ZKSCAN8: variants seen among roughly 807,000 people sequenced by gnomAD.
ZKSCAN8 encodes the protein zinc finger protein with KRAB and SCAN domains 8.
Under a neutral mutation model 57.2 loss-of-function variants are expected in ZKSCAN8, and 27 were observed. That is an observed-to-expected ratio of 0.47 (90% CI 0.35 to 0.65). ZKSCAN8 has a LOEUF of 0.65. Among genes scored for constraint, ZKSCAN8 ranks in the 30% least tolerant of loss-of-function variants. The pLI, the probability that ZKSCAN8 is intolerant of heterozygous loss-of-function variation, is 0.01. For synonymous variants in ZKSCAN8, 214 were observed against 248.7 expected (o/e 0.86, Z 1.31); for missense variants, 597 against 696.3 (o/e 0.86, Z 1.60).
chr6:28,145,576 A>G (rs1765367440), intron 1 of ZKSCAN8, among the ~76,000 whole-genome samples: 1 of 152,212 alleles, frequency 6.6e-6, no homozygotes. Flanking sequence ...TTAATAGAAT[A>G]GACACTTACT....
chr6:28,148,932 G>C, intron 2 of ZKSCAN8, 108 bp downstream of exon 2: 1 of 1,272,366 alleles, frequency 7.9e-7, no homozygotes, highest in Non-Finnish European at 1.1e-6. Flanking sequence ...AGTTTCTGTT[G>C]GATAAGGATG....
chr6:28,153,774 C>G lies in ZKSCAN8; in HGVS notation c.1494C>G (p.Ala498=), dbSNP rs1269262145. The change falls in exon 6 of 6, where the codon GCC becomes GCG. Residue 498 remains alanine, a synonymous_variant. Transcript: ENST00000330236. Reference sequence around the variant, plus strand: ...ACAAATGCAATGAGTGTGGGAGGGCCTTCAGTCAGAAGTCAGGCCTTATTG... The same window carrying G: ...ACAAATGCAATGAGTGTGGGAGGGCGTTCAGTCAGAAGTCAGGCCTTATTG... ...KPYKCNECGR[A]FSQKSGLIEH... The G allele has an allele frequency of 1.9e-6, 3 of 1,613,790 alleles. No individual in the cohort carries two copies. Among genetic ancestry groups the G allele is most frequent in the Admixed American group, 1.7e-5 (1 of 60,002 alleles).
intron 3 of ZKSCAN8, among the ~76,000 whole-genome samples, chr6:28,150,207 T>C (rs992011255): frequency 6.6e-6 from 1 of 152,238 alleles, no homozygotes; most frequent in Non-Finnish European, 1.5e-5. Flanking sequence ...CATGGCTGTT[T>C]AGTCTCCTTT....
rs1765880849 is a variant in ZKSCAN8, at chr6:28,159,224, G to C, written c.*5207G>C. 6.6e-6 allele frequency: 1 copy of C among 152,086 alleles called. No individual in the cohort carries two copies. The highest frequency in any genetic ancestry group is 6.5e-5 in the Admixed American group (1 of 15,268). The allele number at this position is 152,086 out of a possible 1,614,324, so 9.4% of individuals were successfully genotyped here. On this transcript the variant is annotated 3_prime_UTR_variant, in exon 6 of 6. Transcript: ENST00000330236. ...GCGATGACCTCCCTCATTCTGTGCT[G>C]CCTCAGCACTTATCTTTTGAGTTTG... is the stretch of plus-strand genomic sequence containing the variant.
intron 1 of ZKSCAN8, among the ~76,000 whole-genome samples, chr6:28,145,952 A>G (rs9468296): frequency 0.23 from 34,903 of 152,164 alleles, 4,146 homozygotes; most frequent in African/African-American, 0.28. Context: ...TATCTTTTTG[A>G]GGGACACATT....
intron 1 of ZKSCAN8, among the ~76,000 whole-genome samples, chr6:28,147,564 A>T (rs1765437799): frequency 6.6e-6 from 1 of 152,252 alleles, no homozygotes; most frequent in Non-Finnish European, 1.5e-5. Context: ...TGATTAAAAA[A>T]CAAAAACAAC....
Position 28,151,994 on chromosome 6 carries a change from A to T in ZKSCAN8, c.651+58A>T, listed in dbSNP as rs1765606979. On this transcript the variant is annotated intron_variant, in intron 4 of 5. Coordinates refer to ENST00000330236, the MANE Select transcript of ZKSCAN8 (RefSeq NM_006298.4). The stretch of plus-strand genomic sequence containing the variant: ...AGCTGTGCTTGTCAGTGTTTGTGGC[A>T]TCTGCCCTATATCTTGACTGTCTAG... 7 of 1,575,988 alleles carry T rather than the reference A, an allele frequency of 4.4e-6. No individual in the cohort carries two copies. The Admixed American group carries it at 1.2e-4, about 26-fold the overall frequency.
At position 28,153,251 on chromosome 6, in the gene ZKSCAN8, G is replaced by T; in HGVS notation, c.971G>T (p.Cys324Phe). The change falls in exon 6 of 6, where the codon TGT (cysteine) becomes TTT (phenylalanine). Residue 324 changes from cysteine (C) to phenylalanine (F), a missense_variant. Cys to Phe is a radical substitution (Grantham distance 205). Coordinates refer to ENST00000330236, the MANE Select transcript of ZKSCAN8 (RefSeq NM_006298.4). The part of the protein sequence containing the change: ...GNPTQERRHK[C>F]DECGKSFAQS... ...CCCACACAAGAGAGACGACATAAAT[G>T]TGATGAATGTGGGAAAAGCTTTGCT... 2 of 1,614,226 alleles carry T rather than the reference G, an allele frequency of 1.2e-6. No individual in the cohort carries two copies. The highest frequency in any genetic ancestry group is 2.2e-5 in the South Asian group (2 of 91,092).
At chr6:28,146,437 A>G (rs1320052038) in intron 1 of ZKSCAN8, among the ~76,000 whole-genome samples, 1 of 152,224 alleles carries the variant, frequency 6.6e-6, no homozygotes, top group Non-Finnish European at 1.5e-5. Flanking sequence ...CTTGTCCTTT[A>G]AGAAAGTAGT....
chr6:28,149,322 C>T (rs1044890598), intron 2 of ZKSCAN8, among the ~76,000 whole-genome samples, 161 bp from the exon 3 acceptor site: 3 of 152,192 alleles, frequency 2.0e-5, no homozygotes, highest in South Asian at 2.1e-4. Context: ...TTTCTGTGCT[C>T]ATTACGTATT....
At chr6:28,145,216 C>G (rs1202135064) in intron 1 of ZKSCAN8, among the ~76,000 whole-genome samples, 1 of 152,096 alleles carries the variant, frequency 6.6e-6, no homozygotes, top group Non-Finnish European at 1.5e-5. Context: ...CCCCTTACCC[C>G]CAAGTTGTGA....
intron 1 of ZKSCAN8, among the ~76,000 whole-genome samples, chr6:28,147,040 G>T (rs35749575): frequency 0.049 from 7,493 of 151,916 alleles, 310 homozygotes; most frequent in Non-Finnish European, 0.087. Context: ...GACATCAAAA[G>T]CACAGTCAAT....
intron 1 of ZKSCAN8, among the ~76,000 whole-genome samples, chr6:28,147,319 T>G (rs1765430918): frequency 6.6e-6 from 1 of 152,132 alleles, no homozygotes; most frequent in Non-Finnish European, 1.5e-5. Flanking sequence ...ATATGAGATA[T>G]TAAAACCATA....
At chr6:28,152,043 AGTT>A (rs1488249960) in intron 4 of ZKSCAN8, 107 bp downstream of exon 4, 1 of 1,413,064 alleles carries the variant, frequency 7.1e-7, no homozygotes, top group Non-Finnish European at 9.7e-7. Context: ...CTACCCAAAA[AGTT>A]GTCCCAAAAA....
rs1173215761 is a variant in ZKSCAN8 at position 28,154,776 on chromosome 6, C to A, written c.*759C>A. On this transcript the variant is annotated 3_prime_UTR_variant, in exon 6 of 6. Transcript: ENST00000330236. The stretch of plus-strand genomic sequence containing the variant: ...ATTAGTAATGGTTATGGGAGTAATA[C>A]AGAGAAAGAGGTGAGTGGAGACTCA... 1.3e-5 allele frequency: 2 copies of A among 152,550 alleles called. No individual in the cohort carries two copies. Among genetic ancestry groups the A allele is most frequent in the Non-Finnish European group, 2.9e-5 (2 of 68,034 alleles). The allele number at this position is 152,550 out of a possible 1,614,324, so 9.4% of individuals were successfully genotyped here.
At position 28,156,856 on chromosome 6, in the gene ZKSCAN8, T is replaced by C. The variant is rs905458970; in HGVS notation, c.*2839T>C. On this transcript the variant is annotated 3_prime_UTR_variant, in exon 6 of 6. Transcript: ENST00000330236. Reference sequence around the variant, plus strand: ...AGAGGCATGTTAGGTTTCAGAGATTTTCTCCATGGAGCAAGGTGCAGTGCT... The same window carrying C: ...AGAGGCATGTTAGGTTTCAGAGATTCTCTCCATGGAGCAAGGTGCAGTGCT... 1 of 152,186 alleles carries C rather than the reference T, an allele frequency of 6.6e-6. No homozygotes were observed. The highest frequency in any genetic ancestry group is 2.4e-5 in the African/African-American group (1 of 41,432). The allele number at this position is 152,186 out of a possible 1,614,324, so 9.4% of individuals were successfully genotyped here. A position where few individuals can be genotyped will look rare whatever the true frequency, so the allele number is the denominator to read the frequency against.
intron 3 of ZKSCAN8, 145 bp downstream of exon 3, chr6:28,149,769 C>A: frequency 1.2e-6 from 1 of 822,338 alleles, no homozygotes; most frequent in African/African-American, 1.8e-5. Flanking sequence ...GTTTAGGCTT[C>A]AAATATAGAT....
Position 28,148,778 on chromosome 6 carries a change from C to T in ZKSCAN8, c.371C>T (p.Thr124Ile), listed in dbSNP as rs1765492112. 1 of 1,613,950 alleles carries T rather than the reference C, an allele frequency of 6.2e-7. No individual in the cohort carries two copies. The highest frequency in any genetic ancestry group is 8.5e-7 in the Non-Finnish European group (1 of 1,179,976). Residue 124 changes from threonine (T) to isoleucine (I), a missense_variant, in exon 2 of 6, where the codon ACC becomes ATC. Coordinates refer to ENST00000330236, the MANE Select transcript of ZKSCAN8 (RefSeq NM_006298.4). ...HQLENGEEVV[T>I]LLEDLERQID... is the part of the protein sequence containing the mutation. The stretch of plus-strand genomic sequence containing the variant: ...CTAGAGAACGGAGAGGAGGTGGTGA[C>T]CCTATTAGAGGATTTGGAAAGGCAG...
At position 28,153,176 on chromosome 6, in the gene ZKSCAN8, A is replaced by G. The variant is rs750438291; in HGVS notation, c.896A>G (p.His299Arg). 4 of 1,614,104 alleles carry G rather than the reference A, an allele frequency of 2.5e-6. No homozygotes were observed. The African/African-American group carries it at 4.0e-5, about 16-fold the overall frequency. The change falls in exon 6 of 6, where the codon CAT (histidine) becomes CGT (arginine). Residue 299 changes from histidine to arginine, a missense_variant. His to Arg is a conservative substitution (Grantham distance 29). Transcript: ENST00000330236. ...CNGDVIRGLE[H>R]EEARDLLGRL... ...GGGGATGTTATCAGGGGTCTTGAGC[A>G]TGAAGAAGCCCGAGACCTTCTGGGC...
Sources: allele counts gnomAD v4.1 joint callset (sites outside exome capture counted in the v4.1 genomes callset), GRCh38; gene constraint gnomAD v4.1.1; transcripts MANE v1.5; gene names NCBI Gene and HGNC (gene_info 2026-07-23, HGNC 2026-07-21).